Variants in SPTBN1 observed in about 807,000 individuals in gnomAD.
SPTBN1 encodes the protein spectrin beta chain, non-erythrocytic 1.
A neutral mutation model predicts 266.4 loss-of-function variants in SPTBN1; 32 were observed. The observed-to-expected ratio is 0.12, with a 90% confidence interval of 0.09 to 0.16. The LOEUF (loss-of-function observed/expected upper bound fraction) is 0.16. Among genes scored for constraint, SPTBN1 ranks in the 10% least tolerant of loss-of-function variants. SPTBN1 has a pLI of 1.00. For synonymous variants in SPTBN1, 1,336 were observed against 1,162.2 expected, an observed-to-expected ratio of 1.15 and a Z score of -3.04; for missense variants, 2,296 against 3,067.1, an observed-to-expected ratio of 0.75 and a Z score of 5.94.
rs758871859 is a variant in SPTBN1 at position 54,628,141 on chromosome 2, G to A, written c.1689G>A (p.Val563=). Residue 563 remains valine (V), a synonymous_variant, in exon 13 of 36, where the codon GTG becomes GTA. Transcript: ENST00000356805. This position sits in a 1 kb window ranked among gnomAD's most constrained non-coding sequence, Gnocchi z 4.3. ...ACTATGGCAAACACTTACTTGGTGT[G>A]GAAGACCTGTTACAGAAGCACACCC... is the stretch of plus-strand genomic sequence containing the variant. ...SQDYGKHLLG[V]EDLLQKHTLV... 93 of 1,613,890 alleles carry A rather than the reference G, an allele frequency of 5.8e-5. No homozygotes were observed. The Admixed American group carries it at 1.5e-3, about 27-fold the overall frequency.
At chr2:54,619,282 A>T (rs1034005856) in intron 7 of SPTBN1, among the ~76,000 whole-genome samples, 2 of 152,224 alleles carry the variant, frequency 1.3e-5, no homozygotes, top group Non-Finnish European at 2.9e-5. Flanking sequence ...CTAACCCATT[A>T]AATGGTTTCT....
Position 54,558,856 on chromosome 2 carries a change from C to T in SPTBN1, c.148+32290C>T, listed in dbSNP as rs1056183221. On this transcript the variant is annotated intron_variant, in intron 2 of 35. Coordinates refer to ENST00000356805, the MANE Select transcript of SPTBN1 (RefSeq NM_003128.3). The surrounding 1 kb of genome is among the most constrained non-coding windows in gnomAD (Gnocchi z 4.6). ...CGGGGCAGGTGCCTTACAACTACAA[C>T]CAGCTGGAAGGCAGATTCAAGCAGC... The T allele has an allele frequency of 1.9e-6, 3 of 1,613,964 alleles. No homozygotes were observed. Among genetic ancestry groups the T allele is most frequent in the Non-Finnish European group, 2.5e-6 (3 of 1,179,886 alleles).
chr2:54,618,699 G>A (rs1677797817), intron 7 of SPTBN1, among the ~76,000 whole-genome samples: 1 of 152,212 alleles, frequency 6.6e-6, no homozygotes, highest in Admixed American at 6.5e-5. Flanking sequence ...GGATGGGGAT[G>A]GGTGGAGATT....
rs1252898462 is a variant in SPTBN1, at chr2:54,660,019, C to A, written c.6420+20C>A. The A allele has an allele frequency of 1.9e-6, 3 of 1,614,086 alleles. No homozygotes were observed. Among genetic ancestry groups the A allele is most frequent in the African/African-American group, 1.3e-5 (1 of 74,934 alleles). ...CCACGGGTTAGTTACCGCTCTCAAACCTACCAAAACTACAAAAACTTTAAT... is the reference window on the plus strand; with the variant it reads ...CCACGGGTTAGTTACCGCTCTCAAAACTACCAAAACTACAAAAACTTTAAT... On this transcript the variant is annotated intron_variant, in intron 32 of 35. Coordinates refer to ENST00000356805, the MANE Select transcript of SPTBN1 (RefSeq NM_003128.3).
rs766425434 is a variant in SPTBN1, at chr2:54,539,753, G to A, written c.148+13187G>A. 3.3e-5 allele frequency among the ~76,000 whole-genome samples: 5 copies of A among 152,252 alleles called. No homozygotes were observed. The Middle Eastern group carries it at 0.01, about 311-fold the overall frequency. On this transcript the variant is annotated intron_variant, in intron 2 of 35. Transcript: ENST00000356805. ...GACGAATTTTGGCCATGTTGTCCAG[G>A]CTGGTCTTGAACTCCTGGGCTCAAG...
chr2:54,537,419 A>G (rs1486738703), intron 2 of SPTBN1, among the ~76,000 whole-genome samples: 2 of 152,230 alleles, frequency 1.3e-5, no homozygotes, highest in Non-Finnish European at 2.9e-5. Context: ...TACCTTCAGA[A>G]GAGGTGTCCC....
intron 1 of SPTBN1, among the ~76,000 whole-genome samples, chr2:54,524,159 A>G (rs1028383199): frequency 1.3e-5 from 2 of 152,172 alleles, no homozygotes; most frequent in African/African-American, 4.8e-5. Context: ...AGATGGTGCC[A>G]CTGCACTCCA....
Position 54,498,119 on chromosome 2 carries a change from A to C in SPTBN1, c.-47-28253A>C, listed in dbSNP as rs10432640. ...TTGTTATATTTCTTAGGTTGGGGAT[A>C]CATACAGCATGGAGTTGGAACTTCA... On this transcript the variant is annotated intron_variant, in intron 1 of 35. Coordinates refer to ENST00000356805, the MANE Select transcript of SPTBN1 (RefSeq NM_003128.3). Among the ~76,000 whole-genome samples the C allele has an allele frequency of 2.1e-3, 326 of 152,342 alleles. 11 individuals carry two copies. The East Asian group carries it at 0.061, about 28-fold the overall frequency.
Position 54,622,485 on chromosome 2 carries a change from C to G in SPTBN1, c.1062C>G (p.Pro354=). Residue 354 remains proline, a splice_region_variant and synonymous_variant, in exon 9 of 36, where the codon CCC becomes CCG. Coordinates refer to ENST00000356805, the MANE Select transcript of SPTBN1 (RefSeq NM_003128.3). Reference sequence around the variant, plus strand: ...CTTACCGCACTGTGGAGAAACCACCCAAGTAAGATGCATATTGTAGTGTGA... The same window carrying G: ...CTTACCGCACTGTGGAGAAACCACCGAAGTAAGATGCATATTGTAGTGTGA... ...FNTYRTVEKP[P]KFTEKGNLEV... is the part of the protein sequence containing the mutation. The G allele has an allele frequency of 6.2e-7, 1 of 1,613,744 alleles. No homozygotes were observed. The highest frequency in any genetic ancestry group is 1.1e-5 in the South Asian group (1 of 90,990).
At chr2:54,484,257 A>G (rs1668237169) in intron 1 of SPTBN1, among the ~76,000 whole-genome samples, 1 of 152,192 alleles carries the variant, frequency 6.6e-6, no homozygotes, top group Non-Finnish European at 1.5e-5. Context: ...TTTCTCTGAG[A>G]AATAAATTAT....
At chr2:54,602,279 G>C (rs1676545843) in intron 3 of SPTBN1, among the ~76,000 whole-genome samples, 1 of 152,172 alleles carries the variant, frequency 6.6e-6, no homozygotes, top group Admixed American at 6.5e-5. Context: ...CACAGAACCT[G>C]TGCTGGCCAC....
chr2:54,644,671 T>G, intron 20 of SPTBN1, 85 bp downstream of exon 20: 9 of 1,500,742 alleles, frequency 6.0e-6, no homozygotes, highest in Non-Finnish European at 5.3e-6. Context: ...CACTGCATTA[T>G]CAGGAGTCCA....
In SPTBN1 at chr2:54,629,151, G is replaced by A. The variant is rs763600413; in HGVS notation, c.2017G>A (p.Val673Ile). ...CGATTACGGGAAAGACCTGACCAGC[G>A]TCATGCGCCTGCTCAGCAAGCACCG... is the stretch of plus-strand genomic sequence containing the variant. ...SDDYGKDLTS[V>I]MRLLSKHRAF... Residue 673 changes from valine to isoleucine, a missense_variant, in exon 14 of 36, where the codon GTC (valine) becomes ATC (isoleucine). Around this residue, in one of 12 missense-constraint regions of SPTBN1, gnomAD observed 434 missense variants for 573.9 expected, o/e 0.76. Transcript: ENST00000356805. 6.2e-6 allele frequency: 10 copies of A among 1,613,582 alleles called. No homozygotes were observed. The highest frequency in any genetic ancestry group is 1.6e-4 in the Middle Eastern group (1 of 6,062).
At chr2:54,486,409 C>G (rs1668393613) in intron 1 of SPTBN1, among the ~76,000 whole-genome samples, 1 of 152,140 alleles carries the variant, frequency 6.6e-6, no homozygotes, top group African/African-American at 2.4e-5. Flanking sequence ...TCCTGTTGAT[C>G]TGTGACCTTA....
chr2:54,580,047 G>A (rs188678974), intron 2 of SPTBN1, among the ~76,000 whole-genome samples: 8 of 152,242 alleles, frequency 5.3e-5, no homozygotes, highest in Admixed American at 2.6e-4. Context: ...TTTCATTTAC[G>A]TTAAAGCCAT....
chr2:54,668,921 C>A lies in SPTBN1; in HGVS notation c.*352C>A. The A allele has an allele frequency of 3.9e-6, 1 of 258,532 alleles. No homozygotes were observed. The highest frequency in any genetic ancestry group is 7.6e-6 in the Non-Finnish European group (1 of 132,010). The allele number at this position is 258,532 out of a possible 1,614,324, so 16.0% of individuals were successfully genotyped here. ...AGGCAGCGGTGCTTAATCAATATTT[C>A]CTGTGCTCACCAGAGGCAAAATGTA... On this transcript the variant is annotated 3_prime_UTR_variant, in exon 36 of 36. Coordinates refer to ENST00000356805, the MANE Select transcript of SPTBN1 (RefSeq NM_003128.3).
intron 2 of SPTBN1, among the ~76,000 whole-genome samples, chr2:54,595,429 T>C (rs1676004106): frequency 6.6e-6 from 1 of 152,224 alleles, no homozygotes; most frequent in African/African-American, 2.4e-5. Context: ...CTGAAAGGTT[T>C]AGCTGCGTCA....
At position 54,649,853 on chromosome 2, in the gene SPTBN1, C is replaced by T; in HGVS notation, c.5441C>T (p.Ala1814Val). The change falls in exon 26 of 36, where the codon GCC becomes GTC. Residue 1814 changes from alanine (A) to valine (V), a missense_variant. Physicochemically the swap from Ala to Val is moderately conservative, Grantham distance 64. Around this residue, in one of 12 missense-constraint regions of SPTBN1, gnomAD observed 644 missense variants for 745.3 expected, o/e 0.86. Coordinates refer to ENST00000356805, the MANE Select transcript of SPTBN1 (RefSeq NM_003128.3). The surrounding 1 kb of genome is among the most constrained non-coding windows in gnomAD (Gnocchi z 6.7). Reference protein sequence around the residue: ...SYELHKFYHDAKEIFGRIQDK... With the variant: ...SYELHKFYHDVKEIFGRIQDK... ...GAACTGCACAAGTTTTACCACGATGCCAAGGAGATCTTTGGGCGTATACAG... is the reference window on the plus strand; with the variant it reads ...GAACTGCACAAGTTTTACCACGATGTCAAGGAGATCTTTGGGCGTATACAG... The T allele has an allele frequency of 6.2e-7, 1 of 1,614,142 alleles. No individual in the cohort carries two copies. The highest frequency in any genetic ancestry group is 8.5e-7 in the Non-Finnish European group (1 of 1,180,034).
At chr2:54,662,494 G>A (rs528227292) in intron 32 of SPTBN1, 32 of 210,720 alleles carry the variant, frequency 1.5e-4, no homozygotes, top group African/African-American at 5.9e-4. Flanking sequence ...AATTTTAGCC[G>A]TTTTCAAGGA....
Sources: allele counts gnomAD v4.1 joint callset (sites outside exome capture counted in the v4.1 genomes callset), GRCh38; gene constraint gnomAD v4.1.1; regional missense constraint gnomAD v4.1.1; non-coding constraint Gnocchi (gnomAD v3.1); transcripts MANE v1.5; gene names NCBI Gene and HGNC (gene_info 2026-07-23, HGNC 2026-07-21).